Variants in TSPEAR observed in about 807,000 individuals in gnomAD.
TSPEAR encodes the protein thrombospondin-type laminin G domain and EAR repeat-containing protein.
In TSPEAR, 69 loss-of-function variants were observed where a neutral mutation model predicts 71.6. The observed-to-expected ratio is 0.96, with a 90% CI of 0.79 to 1.18. The LOEUF is 1.18. Ranked by LOEUF, TSPEAR falls within the 50% of genes most tolerant of loss-of-function variation. The probability of loss-of-function intolerance (pLI) is 0.00; values close to 1 mark genes in which losing one functional copy is unlikely to be tolerated. For synonymous variants in TSPEAR, 402 were observed against 387.2 expected, an observed-to-expected ratio of 1.04 and a Z score of -0.45; for missense variants, 971 against 894.9, an observed-to-expected ratio of 1.09 and a Z score of -1.09.
chr21:44,597,647 G>A (rs782520824), intron 1 of TSPEAR, among the ~76,000 whole-genome samples: 55 of 151,934 alleles, frequency 3.6e-4, no homozygotes, highest in Non-Finnish European at 7.1e-4. Context: ...GGCCAGGCTG[G>A]TCTCAAACTC....
intron 2 of TSPEAR, among the ~76,000 whole-genome samples, chr21:44,545,345 T>A (rs1056978362): frequency 7.5e-5 from 11 of 147,386 alleles, no homozygotes; most frequent in Non-Finnish European, 1.4e-4. Flanking sequence ...ATTAATTAAT[T>A]AAAAAAAAAA....
intron 2 of TSPEAR, chr21:44,550,873 T>A (rs781943630): frequency 8.5e-6 from 13 of 1,527,568 alleles, no homozygotes; most frequent in Non-Finnish European, 1.2e-5. Flanking sequence ...ACACAGCAGA[T>A]GGACTTGCAG....
At chr21:44,598,977 TG>T (rs1980558626) in intron 1 of TSPEAR, among the ~76,000 whole-genome samples, 1 of 152,238 alleles carries the variant, frequency 6.6e-6, no homozygotes, top group African/African-American at 2.4e-5. Context: ...TCTTTAAAGA[TG>T]TCATTCTATT....
In TSPEAR at chr21:44,620,141, G is replaced by A. The variant is rs138304485; in HGVS notation, c.83-52136C>T. Among the ~76,000 whole-genome samples the A allele has an allele frequency of 7.9e-5, 12 of 152,330 alleles. No homozygotes were observed. The East Asian group carries it at 1.2e-3, about 15-fold the overall frequency. ...TCAGAAACCATGGAGGCCAGAACGC[G>A]TTGGGATGACATATTTAACATGCTG... On this transcript the variant is annotated intron_variant, in intron 1 of 11. Coordinates refer to ENST00000323084, the MANE Select transcript of TSPEAR (RefSeq NM_144991.3).
intron 5 of TSPEAR, among the ~76,000 whole-genome samples, chr21:44,528,821 C>T (rs2052908996): frequency 6.6e-6 from 1 of 152,240 alleles, no homozygotes; most frequent in Admixed American, 6.5e-5. Flanking sequence ...CACCCTCTGT[C>T]CACTCTGAAA....
chr21:44,501,006 A>T (rs1213085897), intron 11 of TSPEAR, among the ~76,000 whole-genome samples: 1 of 152,124 alleles, frequency 6.6e-6, no homozygotes, highest in Non-Finnish European at 1.5e-5. Context: ...CTTCTTTTTC[A>T]CATTTGGACT....
At chr21:44,503,386 C>T (rs1468107117) in intron 11 of TSPEAR, among the ~76,000 whole-genome samples, 3 of 23,086 alleles carry the variant, frequency 1.3e-4, no homozygotes, top group South Asian at 1.5e-3. Flanking sequence ...GAGCCCTCGG[C>T]GGGAAGCAAG....
intron 1 of TSPEAR, chr21:44,591,598 G>A (rs1979848872): frequency 6.2e-7 from 1 of 1,613,542 alleles, no homozygotes; most frequent in Non-Finnish European, 8.5e-7. Flanking sequence ...TCTGCAGCAG[G>A]AGGCGGTGCA....
chr21:44,516,635 G>A (rs1439773862), intron 9 of TSPEAR: 1 of 152,176 alleles, frequency 6.6e-6, no homozygotes, highest in Non-Finnish European at 1.5e-5. Flanking sequence ...TGACCTTACG[G>A]TAATGTCAGC....
intron 9 of TSPEAR, chr21:44,518,671 T>C (rs2052663833): frequency 4.3e-6 from 2 of 470,482 alleles, no homozygotes; most frequent in African/African-American, 2.0e-5. Flanking sequence ...GCCCGCCCCC[T>C]GCCCCCCACC....
In TSPEAR at chr21:44,642,757, G is replaced by A. The variant is rs983557723; in HGVS notation, c.82+68676C>T. On this transcript the variant is annotated intron_variant, in intron 1 of 11. Transcript: ENST00000323084. This position sits in a 1 kb window ranked among gnomAD's most constrained non-coding sequence, Gnocchi z 4.1. Reference sequence around the variant, plus strand: ...CCTGGGAGGCTGAGGCAGGAGAATGGCGTGAACCTGGGAGGCAGAGCTTGC... The same window carrying A: ...CCTGGGAGGCTGAGGCAGGAGAATGACGTGAACCTGGGAGGCAGAGCTTGC... Among the ~76,000 whole-genome samples the A allele has an allele frequency of 6.6e-6, 1 of 152,086 alleles. No homozygotes were observed. Among genetic ancestry groups the A allele is most frequent in the Admixed American group, 6.5e-5 (1 of 15,272 alleles).
At chr21:44,552,187 G>A (rs1332563715) in intron 2 of TSPEAR, among the ~76,000 whole-genome samples, 5 of 152,308 alleles carry the variant, frequency 3.3e-5, no homozygotes, top group African/African-American at 1.2e-4. Context: ...CCAGGCCTGG[G>A]GGTGGGGAGG....
chr21:44,617,271 T>C (rs73907073), intron 1 of TSPEAR, among the ~76,000 whole-genome samples: 3,807 of 152,362 alleles, frequency 0.025, 160 homozygotes, highest in African/African-American at 0.086. Flanking sequence ...CAGGGAGTTC[T>C]ACTCAGGGAC....
At chr21:44,701,099 A>T (rs2146328745) in intron 1 of TSPEAR, among the ~76,000 whole-genome samples, 1 of 152,120 alleles carries the variant, frequency 6.6e-6, no homozygotes, top group East Asian at 1.9e-4. Context: ...GATTGATTAG[A>T]TTGCTGATTA....
chr21:44,550,111 A>T (rs1396215041), intron 2 of TSPEAR, among the ~76,000 whole-genome samples: 1 of 152,238 alleles, frequency 6.6e-6, no homozygotes, highest in African/African-American at 2.4e-5. Flanking sequence ...CGTTGGCCTG[A>T]GTCATGTGGT....
chr21:44,535,532 A>T (rs1555916291), intron 2 of TSPEAR, among the ~76,000 whole-genome samples: 1 of 152,224 alleles, frequency 6.6e-6, no homozygotes, highest in Admixed American at 6.5e-5. Context: ...TAAGATTGTA[A>T]CACTGACGTT....
Position 44,710,877 on chromosome 21 carries a change from C to A in TSPEAR, c.82+556G>T, listed in dbSNP as rs1988184977. Among the ~76,000 whole-genome samples the A allele has an allele frequency of 6.6e-6, 1 of 152,228 alleles. No homozygotes were observed. Among genetic ancestry groups the A allele is most frequent in the Admixed American group, 6.5e-5 (1 of 15,290 alleles). On this transcript the variant is annotated intron_variant, in intron 1 of 11. Transcript: ENST00000323084. The surrounding 1 kb of genome is among the most constrained non-coding windows in gnomAD (Gnocchi z 4.6). ...CCCAGTGAGCCAGCCCAGGGCTCTC[C>A]ACTCAGACCAGATTACGCCCCAAAG...
chr21:44,529,156 C>T (rs587745857), intron 5 of TSPEAR, among the ~76,000 whole-genome samples: 2 of 152,314 alleles, frequency 1.3e-5, no homozygotes, highest in South Asian at 4.2e-4. Context: ...AACCGCTAAC[C>T]CTGAGGCTCG....
intron 1 of TSPEAR, among the ~76,000 whole-genome samples, chr21:44,671,379 G>A (rs1555945898): frequency 6.6e-6 from 1 of 152,192 alleles, no homozygotes; most frequent in African/African-American, 2.4e-5. Flanking sequence ...CAAGCTGTCT[G>A]GAGGCCCAAG....
Sources: allele counts gnomAD v4.1 joint callset (sites outside exome capture counted in the v4.1 genomes callset), GRCh38; gene constraint gnomAD v4.1.1; non-coding constraint Gnocchi (gnomAD v3.1); transcripts MANE v1.5; gene names NCBI Gene and HGNC (gene_info 2026-07-23, HGNC 2026-07-21).